The following ATP6V0D1 variants were observed in gnomAD, a reference collection of about 807,000 sequenced individuals.
ATP6V0D1 encodes the protein ATPase H+ transporting V0 subunit d1, also known as V-type proton ATPase subunit d 1.
Under a neutral mutation model 39.0 loss-of-function variants are expected in ATP6V0D1, and 13 were observed. That is an observed-to-expected ratio of 0.33 (90% CI 0.22 to 0.53). The LOEUF (loss-of-function observed/expected upper bound fraction) is 0.53, where lower values mean the gene tolerates loss of function less well. ATP6V0D1 is among the 20% of genes least tolerant of loss of function. ATP6V0D1 has a pLI of 0.94. For missense variants in ATP6V0D1, 272 were observed against 470.9 expected (o/e 0.58, Z 3.91); for synonymous variants, 191 against 191.2 (o/e 1.00, Z 0.01).
intron 1 of ATP6V0D1, among the ~76,000 whole-genome samples, chr16:67,473,220 T>TGG: frequency 6.6e-6 from 1 of 151,774 alleles, no homozygotes; most frequent in Non-Finnish European, 1.5e-5. Context: ...AATTTGGGGC[T>TGG]GGGGGGGGTG....
At position 67,453,772 on chromosome 16, in the gene ATP6V0D1, C is replaced by T; in HGVS notation, c.131-57G>A. 1 of 1,566,496 alleles carries T rather than the reference C, an allele frequency of 6.4e-7. No individual in the cohort carries two copies. The highest frequency in any genetic ancestry group is 8.7e-7 in the Non-Finnish European group (1 of 1,148,226). Reference sequence around the variant, plus strand: ...CCTTGCTGGGCCTCCCCAAGGGTCCCAAGTCCCCATCCCCACCCCAACTCA... The same window carrying T: ...CCTTGCTGGGCCTCCCCAAGGGTCCTAAGTCCCCATCCCCACCCCAACTCA... On this transcript the variant is annotated intron_variant, in intron 1 of 7. Transcript: ENST00000290949. The surrounding 1 kb of genome is among the most constrained non-coding windows in gnomAD (Gnocchi z 4.1).
chr16:67,470,580 G>A (rs1039048057), intron 1 of ATP6V0D1, among the ~76,000 whole-genome samples: 1 of 152,318 alleles, frequency 6.6e-6, no homozygotes, highest in African/African-American at 2.4e-5. Flanking sequence ...AGGCTTGCCC[G>A]GCTATGAGCC....
rs958457850 is a variant in ATP6V0D1 at position 67,481,145 on chromosome 16, C to G, written c.-59G>C. On this transcript the variant is annotated 5_prime_UTR_variant, in exon 1 of 8. Coordinates refer to ENST00000290949, the MANE Select transcript of ATP6V0D1 (RefSeq NM_004691.5). ...GGACCGGCCGGCACGAATCGCGACTCCCCAGGTCAGCTGACGCTGCGTCCT... is the reference window on the plus strand; with the variant it reads ...GGACCGGCCGGCACGAATCGCGACTGCCCAGGTCAGCTGACGCTGCGTCCT... 1.9e-5 allele frequency: 31 copies of G among 1,605,664 alleles called. No individual in the cohort carries two copies. Among genetic ancestry groups the G allele is most frequent in the East Asian group, 2.2e-5 (1 of 44,728 alleles).
intron 1 of ATP6V0D1, among the ~76,000 whole-genome samples, chr16:67,462,165 C>T (rs547366944): frequency 6.6e-6 from 1 of 152,170 alleles, no homozygotes. Flanking sequence ...CCCACCCAGG[C>T]CTGAAGGCTC....
In ATP6V0D1 at chr16:67,438,484, C is replaced by T; in HGVS notation, c.*44G>A. On this transcript the variant is annotated 3_prime_UTR_variant, in exon 8 of 8. Coordinates refer to ENST00000290949, the MANE Select transcript of ATP6V0D1 (RefSeq NM_004691.5). ...ACGCACACACACGCGCACACACACA[C>T]ACACACACACAAAGAGTGCAATTGA... is the stretch of plus-strand genomic sequence containing the variant. 1 of 1,607,846 alleles carries T rather than the reference C, an allele frequency of 6.2e-7. No homozygotes were observed. The highest frequency in any genetic ancestry group is 1.7e-5 in the Admixed American group (1 of 59,484).
rs1365770229 is a variant in ATP6V0D1, at chr16:67,453,482, G to A, written c.302+62C>T. The A allele has an allele frequency of 5.1e-6, 8 of 1,584,036 alleles. No homozygotes were observed. Among genetic ancestry groups the A allele is most frequent in the South Asian group, 1.2e-5 (1 of 86,934 alleles). ...GCTAGCCTAAGCCACACTGAACCCA[G>A]CTCCTGCAGGTGTAGCTATCCTGCC... On this transcript the variant is annotated intron_variant, in intron 2 of 7. Coordinates refer to ENST00000290949, the MANE Select transcript of ATP6V0D1 (RefSeq NM_004691.5). The surrounding 1 kb of genome is among the most constrained non-coding windows in gnomAD (Gnocchi z 4.1).
rs141457653 is a variant in ATP6V0D1, at chr16:67,468,257, A to G, written c.130+12700T>C. Among the ~76,000 whole-genome samples, 116 of 152,104 alleles carry G rather than the reference A, an allele frequency of 7.6e-4. 1 individual carries two copies. The highest frequency in any genetic ancestry group is 1.4e-3 in the Non-Finnish European group (94 of 67,964). ...CAGTGGGTCATGATCATGCCACTGC[A>G]ATCCAACCTGGGCGACAGAGTGAGA... On this transcript the variant is annotated intron_variant, in intron 1 of 7. Coordinates refer to ENST00000290949, the MANE Select transcript of ATP6V0D1 (RefSeq NM_004691.5).
chr16:67,474,572 C>G (rs1460300787), intron 1 of ATP6V0D1, among the ~76,000 whole-genome samples: 1 of 152,238 alleles, frequency 6.6e-6, no homozygotes, highest in Admixed American at 6.5e-5. Flanking sequence ...GAGCTACCCA[C>G]ATTTCAGGGA....
At chr16:67,442,892 C>A (rs997901044) in intron 4 of ATP6V0D1, among the ~76,000 whole-genome samples, 1 of 152,154 alleles carries the variant, frequency 6.6e-6, no homozygotes, top group Non-Finnish European at 1.5e-5. Flanking sequence ...TTTATCTGAG[C>A]CCGTCACAGG....
chr16:67,472,207 G>C (rs1449099197), intron 1 of ATP6V0D1, among the ~76,000 whole-genome samples: 2 of 152,178 alleles, frequency 1.3e-5, no homozygotes, highest in Non-Finnish European at 2.9e-5. Context: ...CTGAGCACTG[G>C]GGTCCCCTTG....
chr16:67,452,151 G>A (rs2041187793), intron 2 of ATP6V0D1: 4 of 1,467,980 alleles, frequency 2.7e-6, no homozygotes, highest in African/African-American at 1.4e-5. Context: ...ATCAACAGAT[G>A]GGGAGCTGCA....
chr16:67,451,407 G>A (rs375488877), intron 2 of ATP6V0D1, among the ~76,000 whole-genome samples: 2 of 152,188 alleles, frequency 1.3e-5, no homozygotes, highest in African/African-American at 2.4e-5. Flanking sequence ...CTAGTGTCCC[G>A]CTGAGTCTGG....
intron 2 of ATP6V0D1, among the ~76,000 whole-genome samples, chr16:67,445,170 G>GC (rs796728766): frequency 3.9e-5 from 6 of 152,286 alleles, no homozygotes; most frequent in African/African-American, 1.4e-4. Flanking sequence ...ACTGAGTGAC[G>GC]GATGCATTGG....
At chr16:67,445,833 G>A in intron 2 of ATP6V0D1, 1 of 436,100 alleles carries the variant, frequency 2.3e-6, no homozygotes, top group South Asian at 1.6e-5. Context: ...TGCAGTGAAG[G>A]CAGTAAGCCC....
intron 1 of ATP6V0D1, among the ~76,000 whole-genome samples, chr16:67,463,344 A>G (rs561463848): frequency 6.6e-6 from 1 of 152,288 alleles, no homozygotes; most frequent in East Asian, 1.9e-4. Flanking sequence ...CAGCCTGAGC[A>G]ACACAGAGAG....
intron 1 of ATP6V0D1, among the ~76,000 whole-genome samples, chr16:67,457,813 G>A (rs561123869): frequency 1.3e-5 from 2 of 152,346 alleles, no homozygotes; most frequent in Non-Finnish European, 2.9e-5. Context: ...GGGAAGCCAC[G>A]GCTCCAAGCA....
intron 2 of ATP6V0D1, among the ~76,000 whole-genome samples, chr16:67,452,958 G>C (rs553731014): frequency 6.6e-6 from 1 of 152,310 alleles, no homozygotes; most frequent in East Asian, 1.9e-4. Flanking sequence ...AGTTCCTGAG[G>C]GCTTGCGTCA....
chr16:67,444,808 A>C lies in ATP6V0D1; in HGVS notation c.303-102T>G. On this transcript the variant is annotated intron_variant, in intron 2 of 7. Transcript: ENST00000290949. The surrounding 1 kb of genome is among the most constrained non-coding windows in gnomAD (Gnocchi z 4.8). Reference sequence around the variant, plus strand: ...CCGCCTGCACAGGCCATCACCCCTTAACAATGTATGCTGACTCATGGGTGC... The same window carrying C: ...CCGCCTGCACAGGCCATCACCCCTTCACAATGTATGCTGACTCATGGGTGC... 3.6e-6 allele frequency: 4 copies of C among 1,108,130 alleles called. No homozygotes were observed. Among genetic ancestry groups the C allele is most frequent in the Non-Finnish European group, 5.0e-6 (4 of 793,392 alleles). 68.6% of individuals were successfully genotyped at this position (1,108,130 alleles called of 1,614,324 possible).
chr16:67,452,405 A>G, intron 2 of ATP6V0D1: 1 of 1,535,476 alleles, frequency 6.5e-7, no homozygotes, highest in Non-Finnish European at 8.7e-7. Context: ...GAGCAAGTGG[A>G]TCCTGGGCAA....
Sources: allele counts gnomAD v4.1 joint callset (sites outside exome capture counted in the v4.1 genomes callset), GRCh38; gene constraint gnomAD v4.1.1; non-coding constraint Gnocchi (gnomAD v3.1); transcripts MANE v1.5; gene names NCBI Gene and HGNC (gene_info 2026-07-23, HGNC 2026-07-21).